PLEKHO1: variants seen among roughly 807,000 people sequenced by gnomAD.
The protein encoded by PLEKHO1 is pleckstrin homology domain containing O1.
A neutral mutation model predicts 41.4 loss-of-function variants in PLEKHO1; 22 were observed. The ratio of observed to expected loss-of-function variants is 0.53; its 90% CI spans 0.38 to 0.76. PLEKHO1 has a LOEUF of 0.76. Among genes scored for constraint, PLEKHO1 ranks in the 30% least tolerant of loss-of-function variants. The pLI is 0.00. For synonymous variants in PLEKHO1, 225 were observed against 210.8 expected (o/e 1.07, Z -0.58); for missense variants, 488 against 518.3 (o/e 0.94, Z 0.57).
chr1:150,157,523 A>C (rs1380246584), intron 5 of PLEKHO1, 37 bp downstream of exon 5: 1 of 1,400,418 alleles, frequency 7.1e-7, no homozygotes, highest in Non-Finnish European at 1.0e-6. Flanking sequence ...CAAAGGGCCA[A>C]TTCTGTGTCA....
At chr1:150,156,368 T>A (rs1660168068) in intron 3 of PLEKHO1, among the ~76,000 whole-genome samples, 162 bp downstream of exon 3, 2 of 152,186 alleles carry the variant, frequency 1.3e-5, no homozygotes, top group Non-Finnish European at 2.9e-5. Flanking sequence ...ATTGTAGCCA[T>A]TTCCTTCTTT....
chr1:150,151,503 G>A (rs1162594601), intron 2 of PLEKHO1, among the ~76,000 whole-genome samples: 1 of 152,106 alleles, frequency 6.6e-6, no homozygotes, highest in African/African-American at 2.4e-5. Context: ...GGTCCTGTCC[G>A]TGGCGCATCC....
chr1:150,158,946 T>C lies in PLEKHO1; in HGVS notation c.653T>C (p.Leu218Pro). ...RVDLDKSVAQ[L>P]AGSRRRADSD... ...GACCTGGACAAGTCTGTGGCCCAGC[T>C]GGCAGGGAGCCGGCGGAGAGCGGAC... Residue 218 changes from leucine (L) to proline (P), a missense_variant, in exon 6 of 6, where the codon CTG becomes CCG. Leu to Pro is a moderately conservative substitution (Grantham distance 98). Coordinates refer to ENST00000369124, the MANE Select transcript of PLEKHO1 (RefSeq NM_016274.6). 1 of 1,614,168 alleles carries C rather than the reference T, an allele frequency of 6.2e-7. No individual in the cohort carries two copies. The highest frequency in any genetic ancestry group is 8.5e-7 in the Non-Finnish European group (1 of 1,180,022).
chr1:150,157,894 A>G (rs1224992514), intron 5 of PLEKHO1, among the ~76,000 whole-genome samples: 1 of 152,232 alleles, frequency 6.6e-6, no homozygotes, highest in South Asian at 2.1e-4. Flanking sequence ...CTTCAGAGAG[A>G]GAGGCAGGCA....
Position 150,159,893 on chromosome 1 carries a change from G to A in PLEKHO1, c.*370G>A, listed in dbSNP as rs1660366504. ...TCTAAGCTTAGAGCGGGAGGGGGATGAGGATGTTTTCTGTTATGTCCCACC... is the reference window on the plus strand; with the variant it reads ...TCTAAGCTTAGAGCGGGAGGGGGATAAGGATGTTTTCTGTTATGTCCCACC... On this transcript the variant is annotated 3_prime_UTR_variant, in exon 6 of 6. Transcript: ENST00000369124. The A allele has an allele frequency of 5.6e-6, 1 of 179,406 alleles. No homozygotes were observed. The highest frequency in any genetic ancestry group is 5.6e-5 in the Admixed American group (1 of 17,770). 11.1% of individuals were successfully genotyped at this position (179,406 alleles called of 1,614,324 possible).
At chr1:150,153,094 C>T (rs1660021371) in intron 2 of PLEKHO1, 2 of 152,146 alleles carry the variant, frequency 1.3e-5, no homozygotes, top group Admixed American at 1.3e-4. Flanking sequence ...TACAGTGGGC[C>T]TGGTTAAAAA....
At chr1:150,149,755 C>A (rs1458704418), upstream of PLEKHO1, 1 of 152,118 alleles carries the variant, frequency 6.6e-6, no homozygotes, top group African/African-American at 2.4e-5. Flanking sequence ...GAGCGGTCTC[C>A]AGCCGCTTCG....
At chr1:150,153,769 G>C (rs1033338766) in intron 2 of PLEKHO1, 9 of 152,220 alleles carry the variant, frequency 5.9e-5, no homozygotes, top group African/African-American at 2.2e-4. Context: ...AAGACCTCAT[G>C]GTGGAGGAAA....
At chr1:150,157,696 A>G (rs1257469207) in intron 5 of PLEKHO1, among the ~76,000 whole-genome samples, 2 of 152,226 alleles carry the variant, frequency 1.3e-5, no homozygotes, top group Non-Finnish European at 2.9e-5. Flanking sequence ...CCCAGCTCCC[A>G]GTAATGTTAC....
At chr1:150,154,162 A>G (rs1406233863) in intron 2 of PLEKHO1, 10 of 152,276 alleles carry the variant, frequency 6.6e-5, no homozygotes, top group Admixed American at 5.2e-4. Flanking sequence ...CCCTGGCTAC[A>G]TTCACACACC....
At chr1:150,157,357 A>C in intron 4 of PLEKHO1, 28 bp from the exon 5 acceptor site, 1 of 1,519,912 alleles carries the variant, frequency 6.6e-7, no homozygotes, top group South Asian at 1.1e-5. Context: ...GCTGAAGAGC[A>C]CTCATGATTC....
chr1:150,156,083 T>C lies in PLEKHO1; in HGVS notation c.195T>C (p.Asn65=). Residue 65 remains asparagine, a synonymous_variant, in exon 3 of 6, where the codon AAT becomes AAC. Transcript: ENST00000369124. ...TCCCCTAGGTAAAAGATGAGAAAAA[T>C]ATTCAAGAGGTATTTGACCTGAGTG... ...ISEKEVKDEK[N]IQEVFDLSDY... is the part of the protein sequence containing the mutation. 6.2e-7 allele frequency: 1 copy of C among 1,613,158 alleles called. No homozygotes were observed. The highest frequency in any genetic ancestry group is 2.2e-5 in the East Asian group (1 of 44,832).
intron 2 of PLEKHO1, 138 bp downstream of exon 2, chr1:150,151,196 C>A: frequency 1.2e-6 from 1 of 864,546 alleles, no homozygotes; most frequent in South Asian, 1.7e-5. Context: ...CCCATCTCAT[C>A]TGCAGAGAAA....
rs142988881 is a variant in PLEKHO1, at chr1:150,158,971, C to G, written c.678C>G (p.Asp226Glu). The G allele has an allele frequency of 3.0e-5, 49 of 1,614,076 alleles. No individual in the cohort carries two copies. The highest frequency in any genetic ancestry group is 3.9e-5 in the Non-Finnish European group (46 of 1,180,042). ...AQLAGSRRRA[D>E]SDRIQPSADR... Reference sequence around the variant, plus strand: ...TGGCAGGGAGCCGGCGGAGAGCGGACTCAGACCGCATCCAGCCCTCCGCAG... The same window carrying G: ...TGGCAGGGAGCCGGCGGAGAGCGGAGTCAGACCGCATCCAGCCCTCCGCAG... Residue 226 changes from aspartate (D) to glutamate (E), a missense_variant, in exon 6 of 6, where the codon GAC (aspartate) becomes GAG (glutamate). By Grantham distance (45) the Asp-to-Glu change is conservative. Coordinates refer to ENST00000369124, the MANE Select transcript of PLEKHO1 (RefSeq NM_016274.6).
At position 150,159,195 on chromosome 1, in the gene PLEKHO1, A is replaced by T. The variant is rs1397728927; in HGVS notation, c.902A>T (p.Asn301Ile). The T allele has an allele frequency of 1.2e-6, 2 of 1,613,502 alleles. No individual in the cohort carries two copies. Among genetic ancestry groups the T allele is most frequent in the Non-Finnish European group, 1.7e-6 (2 of 1,179,832 alleles). ...GAACCCCCAACCCCTGCCCTCCCCA[A>T]CCCGGGGCAGCTGTCCCGGATCCAG... is the stretch of plus-strand genomic sequence containing the variant. ...AEEPPTPALP[N>I]PGQLSRIQDL... is the part of the protein sequence containing the mutation. The change falls in exon 6 of 6, where the codon AAC (asparagine) becomes ATC (isoleucine). Residue 301 changes from asparagine to isoleucine, a missense_variant. Asn to Ile is a moderately radical substitution (Grantham distance 149). This residue lies in a region of PLEKHO1 where 337 missense variants were observed against 324.6 expected (regional missense o/e 1.04). Coordinates refer to ENST00000369124, the MANE Select transcript of PLEKHO1 (RefSeq NM_016274.6).
In PLEKHO1 at chr1:150,159,127, G is replaced by C. The variant is rs781875450; in HGVS notation, c.834G>C (p.Gln278His). The change falls in exon 6 of 6, where the codon CAG becomes CAC. Residue 278 changes from glutamine to histidine, a missense_variant. This residue lies in a region of PLEKHO1 where 337 missense variants were observed against 324.6 expected (regional missense o/e 1.04). Transcript: ENST00000369124. ...RCASLEEILS[Q>H]RDAASARTLQ... ...CCTCCCTGGAGGAGATCCTATCTCA[G>C]CGGGATGCTGCCTCTGCCCGCACCC... 1 of 1,612,590 alleles carries C rather than the reference G, an allele frequency of 6.2e-7. No homozygotes were observed. Among genetic ancestry groups the C allele is most frequent in the South Asian group, 1.1e-5 (1 of 91,038 alleles).
Position 150,156,136 on chromosome 1 carries a change from A to G in PLEKHO1, c.248A>G (p.Lys83Arg), listed in dbSNP as rs782050267. 6.2e-7 allele frequency: 1 copy of G among 1,613,366 alleles called. No individual in the cohort carries two copies. The highest frequency in any genetic ancestry group is 8.5e-7 in the Non-Finnish European group (1 of 1,179,310). The change falls in exon 3 of 6, where the codon AAG becomes AGG. Residue 83 changes from lysine (K) to arginine (R), a missense_variant. This residue lies in a region of PLEKHO1 where 59 missense variants were observed against 111.5 expected (regional missense o/e 0.53). Coordinates refer to ENST00000369124, the MANE Select transcript of PLEKHO1 (RefSeq NM_016274.6). Reference sequence around the variant, plus strand: ...TATGAGAAGTGTGAAGAGCTCCGGAAGTCCAAGAGCAGGAGCAAGAAAAAT... The same window carrying G: ...TATGAGAAGTGTGAAGAGCTCCGGAGGTCCAAGAGCAGGAGCAAGAAAAAT... ...SDYEKCEELR[K>R]SKSRSKKNHS...
At chr1:150,150,318 G>A (rs1553818388) in intron 1 of PLEKHO1, 31 bp downstream of exon 1, 2 of 1,037,376 alleles carry the variant, frequency 1.9e-6, no homozygotes, top group Non-Finnish European at 2.3e-6. Flanking sequence ...TGCGGCCGCC[G>A]CCGCCTCCGC....
chr1:150,151,136 C>T (rs939331637), intron 2 of PLEKHO1, 78 bp downstream of exon 2: 1 of 1,532,510 alleles, frequency 6.5e-7, no homozygotes, highest in Non-Finnish European at 9.0e-7. Context: ...GCCTAGCTTA[C>T]TCCACCCCCG....
Sources: allele counts gnomAD v4.1 joint callset (sites outside exome capture counted in the v4.1 genomes callset), GRCh38; gene constraint gnomAD v4.1.1; regional missense constraint gnomAD v4.1.1; transcripts MANE v1.5; gene names NCBI Gene and HGNC (gene_info 2026-07-23, HGNC 2026-07-21).